MACROD2: variants seen among roughly 807,000 people sequenced by gnomAD.
The protein encoded by MACROD2 is mono-ADP ribosylhydrolase 2.
In MACROD2, 36 loss-of-function variants were observed where a neutral mutation model predicts 70.4. That is an observed-to-expected ratio of 0.51 (90% confidence interval 0.39 to 0.68). MACROD2 has a LOEUF of 0.68. Among genes scored for constraint, MACROD2 ranks in the 30% least tolerant of loss-of-function variants. MACROD2 has a pLI of 0.00. For missense variants in MACROD2, 496 were observed against 538.4 expected (o/e 0.92, Z 0.78); for synonymous variants, 172 against 178.8 (o/e 0.96, Z 0.30).
At chr20:15,007,184 G>A (rs2075044961) in intron 5 of MACROD2, among the ~76,000 whole-genome samples, 1 of 151,938 alleles carries the variant, frequency 6.6e-6, no homozygotes, top group South Asian at 2.1e-4. Context: ...CTAACATGGT[G>A]AAACCTCGTC....
At position 14,769,776 on chromosome 20, in the gene MACROD2, G is replaced by C. The variant is rs1197477975; in HGVS notation, c.418+84817G>C. On this transcript the variant is annotated intron_variant, in intron 5 of 17. Transcript: ENST00000684519. ...ACATAGCACAAATATTGCATTTTTGGAGTACGGCTATGCTGTGTGTCAAAA... is the reference window on the plus strand; with the variant it reads ...ACATAGCACAAATATTGCATTTTTGCAGTACGGCTATGCTGTGTGTCAAAA... 1.3e-5 allele frequency among the ~76,000 whole-genome samples: 2 copies of C among 152,014 alleles called. 1 individual carries two copies. Among genetic ancestry groups the C allele is most frequent in the African/African-American group, 4.8e-5 (2 of 41,374 alleles).
intron 15 of MACROD2, among the ~76,000 whole-genome samples, chr20:16,039,839 C>T (rs998265232): frequency 2.6e-5 from 4 of 151,966 alleles, no homozygotes; most frequent in African/African-American, 9.7e-5. Context: ...ACTGTGGACA[C>T]AGTGACTTTC....
intron 3 of MACROD2, among the ~76,000 whole-genome samples, chr20:14,182,273 T>G (rs539548857): frequency 1.3e-5 from 2 of 152,306 alleles, no homozygotes; most frequent in East Asian, 3.9e-4. Flanking sequence ...TACTGATCAG[T>G]TGTCTTTGGA....
intron 8 of MACROD2, among the ~76,000 whole-genome samples, chr20:15,707,171 A>G (rs2050547344): frequency 6.6e-6 from 1 of 152,126 alleles, no homozygotes; most frequent in African/African-American, 2.4e-5. Context: ...GGTGCCATAC[A>G]CTCACCTGAT....
intron 5 of MACROD2, among the ~76,000 whole-genome samples, chr20:15,068,479 G>T (rs1028968968): frequency 6.6e-6 from 1 of 152,152 alleles, no homozygotes; most frequent in Non-Finnish European, 1.5e-5. Flanking sequence ...TGGAGGTGGG[G>T]GTCTAGTGGG....
intron 8 of MACROD2, among the ~76,000 whole-genome samples, chr20:15,561,343 T>G (rs966143092): frequency 6.6e-6 from 1 of 152,240 alleles, no homozygotes. Context: ...TCAGGATCTG[T>G]AGATTAGTTC....
chr20:14,581,141 C>T (rs1980988772), intron 4 of MACROD2, among the ~76,000 whole-genome samples: 1 of 152,150 alleles, frequency 6.6e-6, no homozygotes, highest in Non-Finnish European at 1.5e-5. Context: ...GATCTAAATG[C>T]TTGAATTAAA....
intron 8 of MACROD2, among the ~76,000 whole-genome samples, chr20:15,763,909 A>T (rs754407689): frequency 6.6e-6 from 1 of 152,250 alleles, no homozygotes; most frequent in East Asian, 1.9e-4. Flanking sequence ...TCTGTGAAAC[A>T]TACCCTAATT....
chr20:15,021,215 C>CACACGTGTGTGT lies in MACROD2; in HGVS notation c.419-208724_419-208723insCACGTGTGTGTA, dbSNP rs2075174066. ...ACACACACCTGTGTGTATGTATACA[C>CACACGTGTGTGT]ATACAGGTGTGCGTATACACACACC... is the stretch of plus-strand genomic sequence containing the variant. On this transcript the variant is annotated intron_variant, in intron 5 of 17. Transcript: ENST00000684519. 2.1e-4 allele frequency among the ~76,000 whole-genome samples: 3 copies of CACACGTGTGTGT among 14,356 alleles called. 1 individual carries two copies. Among genetic ancestry groups the CACACGTGTGTGT allele is most frequent in the South Asian group, 1.6e-3 (1 of 618 alleles). The allele number at this position is 14,356 out of a possible 152,430, so 9.4% of individuals were successfully genotyped here.
intron 6 of MACROD2, among the ~76,000 whole-genome samples, chr20:15,285,303 T>C (rs2077480843): frequency 6.6e-6 from 1 of 152,204 alleles, no homozygotes; most frequent in Non-Finnish European, 1.5e-5. Flanking sequence ...GTAGAAGAGA[T>C]AACCTCAAAG....
chr20:15,572,735 G>A (rs554322204), intron 8 of MACROD2, among the ~76,000 whole-genome samples: 1 of 152,212 alleles, frequency 6.6e-6, no homozygotes, highest in Admixed American at 6.5e-5. Flanking sequence ...AATGTGAAAA[G>A]CGATTCTGCT....
intron 8 of MACROD2, among the ~76,000 whole-genome samples, chr20:15,606,850 A>T (rs949613336): frequency 1.3e-5 from 2 of 152,022 alleles, no homozygotes. Flanking sequence ...TAAAAATGCA[A>T]AATTAGCTGG....
chr20:15,969,475 C>T (rs74976793), intron 13 of MACROD2, among the ~76,000 whole-genome samples: 2,361 of 151,814 alleles, frequency 0.016, 31 homozygotes, highest in African/African-American at 0.039. Flanking sequence ...AAATTTTAGC[C>T]GAGAACTAGA....
At chr20:14,202,591 A>C (rs2081488342) in intron 3 of MACROD2, among the ~76,000 whole-genome samples, 1 of 152,296 alleles carries the variant, frequency 6.6e-6, no homozygotes, top group South Asian at 2.1e-4. Flanking sequence ...AGAGCACACT[A>C]CTTAGAAGGG....
chr20:15,046,172 T>C (rs6034094), intron 5 of MACROD2, among the ~76,000 whole-genome samples: 17,246 of 151,802 alleles, frequency 0.11, 2,556 homozygotes, highest in African/African-American at 0.34. Flanking sequence ...CCACATAAGG[T>C]AAAAATTAAA....
chr20:14,029,004 A>G (rs1018897790), intron 2 of MACROD2, among the ~76,000 whole-genome samples: 3 of 152,108 alleles, frequency 2.0e-5, no homozygotes, highest in Non-Finnish European at 4.4e-5. Context: ...CTTCTTAACC[A>G]TTGATACTGG....
chr20:14,240,569 C>T (rs545461540), intron 3 of MACROD2, among the ~76,000 whole-genome samples: 1 of 152,218 alleles, frequency 6.6e-6, no homozygotes, highest in Non-Finnish European at 1.5e-5. Context: ...GTTCAGTATC[C>T]TAAGCAAAGT....
At chr20:15,239,082 A>G (rs2077038276) in intron 6 of MACROD2, among the ~76,000 whole-genome samples, 1 of 152,120 alleles carries the variant, frequency 6.6e-6, no homozygotes, top group South Asian at 2.1e-4. Context: ...GCCTGACATT[A>G]GGTTTGAACA....
chr20:14,402,692 C>G (rs2083650187), intron 3 of MACROD2, among the ~76,000 whole-genome samples: 1 of 152,192 alleles, frequency 6.6e-6, no homozygotes, highest in African/African-American at 2.4e-5. Context: ...ATGCCCTTTT[C>G]TTTAGTGTCC....
Sources: allele counts gnomAD v4.1 joint callset (sites outside exome capture counted in the v4.1 genomes callset), GRCh38; gene constraint gnomAD v4.1.1; transcripts MANE v1.5; gene names NCBI Gene and HGNC (gene_info 2026-07-23, HGNC 2026-07-21).